The following IL20RB variants were observed in gnomAD, a reference collection of about 807,000 sequenced individuals.
IL20RB encodes the protein interleukin 20 receptor subunit beta.
A neutral mutation model predicts 33.3 loss-of-function variants in IL20RB; 21 were observed. The ratio of observed to expected loss-of-function variants is 0.63; its 90% CI spans 0.45 to 0.91. IL20RB has a LOEUF of 0.91. Ranked by LOEUF, IL20RB falls within the 40% of genes least tolerant of loss-of-function variation. IL20RB has a pLI of 0.00. For synonymous variants in IL20RB, 147 were observed against 146.8 expected (o/e 1.00, Z -0.01); for missense variants, 345 against 384.8 (o/e 0.90, Z 0.86).
At chr3:136,962,231 C>T (rs930450566) in intron 1 of IL20RB, among the ~76,000 whole-genome samples, 1 of 152,094 alleles carries the variant, frequency 6.6e-6, no homozygotes, top group Non-Finnish European at 1.5e-5. Flanking sequence ...AGTATCTCCC[C>T]CAAGGTATTT....
At chr3:137,002,945 T>C (rs1281862188) in intron 6 of IL20RB, among the ~76,000 whole-genome samples, 6 of 152,222 alleles carry the variant, frequency 3.9e-5, no homozygotes, top group Non-Finnish European at 5.9e-5. Flanking sequence ...TTGATTTTTG[T>C]ATAAGGTGTA....
At chr3:137,003,740 T>C (rs755257500) in intron 6 of IL20RB, among the ~76,000 whole-genome samples, 27 of 152,242 alleles carry the variant, frequency 1.8e-4, no homozygotes, top group Admixed American at 3.3e-4. Context: ...CCTCATTTCC[T>C]AATTGAGTAC....
At chr3:136,977,805 C>A (rs762457735) in intron 1 of IL20RB, among the ~76,000 whole-genome samples, 4 of 152,140 alleles carry the variant, frequency 2.6e-5, no homozygotes, top group Admixed American at 6.5e-5. Context: ...GGTTTACAGG[C>A]GTGAGCCACC....
chr3:136,992,127 T>TGA, intron 5 of IL20RB, 39 bp downstream of exon 5: 1 of 1,601,736 alleles, frequency 6.2e-7, no homozygotes, highest in Non-Finnish European at 8.5e-7. Context: ...CCTGCACAGG[T>TGA]GATAGCCCCT....
In IL20RB at chr3:136,989,574, C is replaced by A. The variant is rs1941991009; in HGVS notation, c.531+9C>A. 27 of 1,613,420 alleles carry A rather than the reference C, an allele frequency of 1.7e-5. No homozygotes were observed. The highest frequency in any genetic ancestry group is 2.3e-5 in the Non-Finnish European group (27 of 1,179,710). On this transcript the variant is annotated intron_variant, in intron 4 of 6. Transcript: ENST00000329582. ...GGGAGCCTGGTGCCGAGGTGAGACT[C>A]CAGCCTTGGCCTTTGGGTCAGGCTT...
At position 137,011,063 on chromosome 3, in the gene IL20RB, C is replaced by G. The variant is rs1048568387; in HGVS notation, c.*840C>G. ...GAATTCAGCAAATAAAAAGGGCCAC[C>G]CTGGCCAAAAGCGGTCTTTAAAGTT... On this transcript the variant is annotated 3_prime_UTR_variant, in exon 7 of 7. Transcript: ENST00000329582. 2 of 151,754 alleles carry G rather than the reference C, an allele frequency of 1.3e-5. No individual in the cohort carries two copies. Among genetic ancestry groups the G allele is most frequent in the African/African-American group, 4.8e-5 (2 of 41,280 alleles). 9.4% of individuals were successfully genotyped at this position (151,754 alleles called of 1,614,324 possible).
chr3:136,989,347 C>A (rs180907197), intron 3 of IL20RB, 94 bp from the exon 4 acceptor site: 5 of 1,439,894 alleles, frequency 3.5e-6, no homozygotes, highest in South Asian at 1.2e-5. Context: ...CCTACGGAGA[C>A]GGACATATTT....
At position 136,989,554 on chromosome 3, in the gene IL20RB, C is replaced by T. The variant is rs1342334408; in HGVS notation, c.520C>T (p.Pro174Ser). ...EFLVAYWRRE[P>S]GAEEHVKMVR... ...CCTTGTGGCCTACTGGAGGAGGGAG[C>T]CTGGTGCCGAGGTGAGACTCCAGCC... is the stretch of plus-strand genomic sequence containing the variant. The change falls in exon 4 of 7, where the codon CCT becomes TCT. Residue 174 changes from proline (P) to serine (S), a missense_variant. Physicochemically the swap from Pro to Ser is moderately conservative, Grantham distance 74. Coordinates refer to ENST00000329582, the MANE Select transcript of IL20RB (RefSeq NM_144717.4). 1.2e-6 allele frequency: 2 copies of T among 1,613,766 alleles called. No individual in the cohort carries two copies. The highest frequency in any genetic ancestry group is 1.1e-5 in the South Asian group (1 of 91,080).
chr3:136,979,198 G>A (rs1040895545), intron 1 of IL20RB, among the ~76,000 whole-genome samples: 1 of 152,088 alleles, frequency 6.6e-6, no homozygotes, highest in Admixed American at 6.5e-5. Context: ...CTGCCTTGTG[G>A]GTGCTCCAGG....
chr3:136,983,314 C>T (rs923921463), intron 3 of IL20RB, among the ~76,000 whole-genome samples: 1 of 152,190 alleles, frequency 6.6e-6, no homozygotes, highest in African/African-American at 2.4e-5. Flanking sequence ...TCTGGAACTC[C>T]TGACCTCAAG....
chr3:136,975,130 G>A (rs1030281956), intron 1 of IL20RB, among the ~76,000 whole-genome samples: 1 of 151,886 alleles, frequency 6.6e-6, no homozygotes, highest in African/African-American at 2.4e-5. Flanking sequence ...TTTGATTAAG[G>A]TCTATTGCTG....
At position 136,989,510 on chromosome 3, in the gene IL20RB, T is replaced by C. The variant is rs1560073514; in HGVS notation, c.476T>C (p.Leu159Pro). The change falls in exon 4 of 7, where the codon CTG becomes CCG. Residue 159 changes from leucine to proline, a missense_variant. Leu to Pro is a moderately conservative substitution (Grantham distance 98). Transcript: ENST00000329582. ...GFHLVIELED[L>P]GPQFEFLVAY... ...CACCTGGTTATTGAGCTGGAGGACCTGGGGCCCCAGTTTGAGTTCCTTGTG... is the reference window on the plus strand; with the variant it reads ...CACCTGGTTATTGAGCTGGAGGACCCGGGGCCCCAGTTTGAGTTCCTTGTG... The C allele has an allele frequency of 1.9e-6, 3 of 1,614,000 alleles. No homozygotes were observed. The highest frequency in any genetic ancestry group is 2.5e-6 in the Non-Finnish European group (3 of 1,179,918).
Position 136,982,304 on chromosome 3 carries a change from G to T in IL20RB, c.360G>T (p.Gln120His), listed in dbSNP as rs778474690. 2.5e-6 allele frequency: 4 copies of T among 1,609,190 alleles called. No homozygotes were observed. The African/African-American group carries it at 5.3e-5, about 22-fold the overall frequency. The change falls in exon 3 of 7, where the codon CAG becomes CAT. Residue 120 changes from glutamine (Q) to histidine (H), a missense_variant. By Grantham distance (24) the Gln-to-His change is conservative. Transcript: ENST00000329582. The part of the protein sequence containing the change: ...NLRVRATLGS[Q>H]TSAWSILKHP... Reference sequence around the variant, plus strand: ...GTGTCAGGGCCACATTGGGCTCACAGACCTCAGCCTGGAGCATCCTGAAGC... The same window carrying T: ...GTGTCAGGGCCACATTGGGCTCACATACCTCAGCCTGGAGCATCCTGAAGC...
chr3:137,009,276 G>A (rs183286135), intron 6 of IL20RB, among the ~76,000 whole-genome samples: 2 of 152,210 alleles, frequency 1.3e-5, no homozygotes, highest in Non-Finnish European at 2.9e-5. Flanking sequence ...GAAGAACCTA[G>A]AGATTTTGGC....
chr3:136,975,969 A>G (rs1941607421), intron 1 of IL20RB, among the ~76,000 whole-genome samples: 1 of 152,142 alleles, frequency 6.6e-6, no homozygotes, highest in African/African-American at 2.4e-5. Flanking sequence ...GGCACAAGTG[A>G]TGGCAGTAGC....
At chr3:136,961,965 T>C (rs1941229944) in intron 1 of IL20RB, among the ~76,000 whole-genome samples, 1 of 152,090 alleles carries the variant, frequency 6.6e-6, no homozygotes, top group African/African-American at 2.4e-5. Flanking sequence ...CTAGAACAAT[T>C]TGAATAATAA....
At chr3:136,976,960 G>T (rs1941634019) in intron 1 of IL20RB, among the ~76,000 whole-genome samples, 1 of 152,160 alleles carries the variant, frequency 6.6e-6, no homozygotes, top group African/African-American at 2.4e-5. Context: ...GGGAATGAGG[G>T]CCACCAGAAG....
chr3:136,985,975 G>C (rs1941887308), intron 3 of IL20RB, among the ~76,000 whole-genome samples: 1 of 152,140 alleles, frequency 6.6e-6, no homozygotes, highest in Non-Finnish European at 1.5e-5. Flanking sequence ...ACAATGTTAG[G>C]CTGGGCATGG....
intron 6 of IL20RB, among the ~76,000 whole-genome samples, chr3:137,007,783 G>A (rs1932949535): frequency 1.3e-5 from 2 of 152,286 alleles, no homozygotes; most frequent in Admixed American, 1.3e-4. Flanking sequence ...CTCGCCCTCT[G>A]TGGGCTGCAC....
Sources: allele counts gnomAD v4.1 joint callset (sites outside exome capture counted in the v4.1 genomes callset), GRCh38; gene constraint gnomAD v4.1.1; transcripts MANE v1.5; gene names NCBI Gene and HGNC (gene_info 2026-07-23, HGNC 2026-07-21).